Variants in ATAD5 observed in about 807,000 individuals in gnomAD.
The protein encoded by ATAD5 is ATPase family AAA domain containing 5, also known as ATPase family AAA domain-containing protein 5.
A neutral mutation model predicts 176.9 loss-of-function variants in ATAD5; 58 were observed. The ratio of observed to expected loss-of-function variants is 0.33; its 90% CI spans 0.27 to 0.41. The LOEUF (loss-of-function observed/expected upper bound fraction) is 0.41, where lower values mean the gene tolerates loss of function less well. Among genes scored for constraint, ATAD5 ranks in the 10% least tolerant of loss-of-function variants. The probability of loss-of-function intolerance (pLI) is 1.00; values close to 1 mark genes in which losing one functional copy is unlikely to be tolerated. For missense variants in ATAD5, 1,789 were observed against 2,094.1 expected (o/e 0.85, Z 2.84); for synonymous variants, 640 against 712.6 (o/e 0.90, Z 1.62).
chr17:30,884,416 TTTC>T (rs201518698), intron 18 of ATAD5, among the ~76,000 whole-genome samples: 2,397 of 142,920 alleles, frequency 0.017, 78 homozygotes, highest in African/African-American at 0.063. Flanking sequence ...TTATATTTCT[TTTC>T]TTTTCTTTTT....
At chr17:30,868,645 TACAGGCGCC>T (rs1157302661) in intron 12 of ATAD5, among the ~76,000 whole-genome samples, 1 of 151,372 alleles carries the variant, frequency 6.6e-6, no homozygotes, top group Middle Eastern at 3.2e-3. Flanking sequence ...TAGCTGGGAT[TACAGGCGCC>T]TGCCGCCACG....
intron 14 of ATAD5, among the ~76,000 whole-genome samples, chr17:30,875,262 C>T (rs1011032184): frequency 6.6e-6 from 1 of 152,052 alleles, no homozygotes; most frequent in Admixed American, 6.6e-5. Flanking sequence ...TGCCATGGGG[C>T]TTTTGGAGAA....
At chr17:30,833,051 A>G (rs946011989) in intron 1 of ATAD5, among the ~76,000 whole-genome samples, 1 of 152,192 alleles carries the variant, frequency 6.6e-6, no homozygotes, top group Non-Finnish European at 1.5e-5. Context: ...ACACCTTTTC[A>G]TCTCAGACTA....
intron 10 of ATAD5, chr17:30,863,030 A>G (rs1907734866): frequency 6.7e-6 from 1 of 150,058 alleles, no homozygotes; most frequent in South Asian, 2.1e-4. Flanking sequence ...ACCTTTACCA[A>G]AAAAAAAAGA....
At chr17:30,870,506 T>C (rs1432288607) in intron 14 of ATAD5, among the ~76,000 whole-genome samples, 2 of 152,172 alleles carry the variant, frequency 1.3e-5, no homozygotes, top group African/African-American at 4.8e-5. Context: ...GTACTTCCTA[T>C]GACATCATAG....
intron 19 of ATAD5, among the ~76,000 whole-genome samples, chr17:30,890,665 C>T (rs1909589872): frequency 6.6e-6 from 1 of 151,872 alleles, no homozygotes; most frequent in African/African-American, 2.4e-5. Context: ...TTGTGATCCG[C>T]CTGCCTCAGC....
At chr17:30,851,794 G>A (rs945075076) in intron 6 of ATAD5, among the ~76,000 whole-genome samples, 3 of 152,158 alleles carry the variant, frequency 2.0e-5, no homozygotes, top group Admixed American at 6.5e-5. Flanking sequence ...TGTTGGCCAG[G>A]CTGTCTCAAA....
At chr17:30,836,173 A>C in intron 2 of ATAD5, 125 bp downstream of exon 2, 1 of 864,588 alleles carries the variant, frequency 1.2e-6, no homozygotes, top group Non-Finnish European at 1.6e-6. Flanking sequence ...GAAAAAGAAC[A>C]GGATTTCTTT....
At chr17:30,865,877 C>A in intron 11 of ATAD5, 77 bp downstream of exon 11, 3 of 891,154 alleles carry the variant, frequency 3.4e-6, no homozygotes, top group South Asian at 2.0e-5. Flanking sequence ...ATTGTAGTTA[C>A]AAAGTAATAT....
intron 18 of ATAD5, among the ~76,000 whole-genome samples, chr17:30,883,406 C>T (rs73263772): frequency 4.3e-4 from 66 of 151,992 alleles, no homozygotes; most frequent in African/African-American, 1.4e-3. Context: ...GTATTACATG[C>T]GTGAGCCACA....
chr17:30,869,953 T>TA (rs997165716), intron 14 of ATAD5: 2,662 of 196,288 alleles, frequency 0.014, 1 homozygote, highest in South Asian at 0.025. Flanking sequence ...CTACAAATAA[T>TA]AAAAAAAAAA....
intron 18 of ATAD5, among the ~76,000 whole-genome samples, chr17:30,885,333 A>G (rs986849885): frequency 6.6e-6 from 1 of 152,168 alleles, no homozygotes; most frequent in Admixed American, 6.5e-5. Context: ...AGCATGAGCC[A>G]CCACAACTGT....
At chr17:30,885,311 G>A (rs548748605) in intron 18 of ATAD5, among the ~76,000 whole-genome samples, 1 of 152,296 alleles carries the variant, frequency 6.6e-6, no homozygotes, top group Admixed American at 6.5e-5. Context: ...CTCCCAAAGT[G>A]CTGGGATTAC....
chr17:30,839,884 CTCTTTCT>C (rs572300809), intron 3 of ATAD5, among the ~76,000 whole-genome samples: 236 of 151,880 alleles, frequency 1.6e-3, no homozygotes, highest in African/African-American at 5.1e-3. Context: ...TGTGTCCAGA[CTCTTTCT>C]TCTTTATCAT....
intron 7 of ATAD5, 33 bp from the exon 8 acceptor site, chr17:30,856,922 G>A (rs1907321063): frequency 2.6e-6 from 4 of 1,526,272 alleles, no homozygotes; most frequent in African/African-American, 1.4e-5. Context: ...GTATAAATAA[G>A]GTTTATTAAG....
intron 18 of ATAD5, among the ~76,000 whole-genome samples, chr17:30,883,715 A>AT (rs1019330109): frequency 6.6e-6 from 1 of 150,978 alleles, no homozygotes; most frequent in Non-Finnish European, 1.5e-5. Context: ...CCCGGCTAAT[A>AT]TTTTTTGTAT....
chr17:30,894,548 T>C lies in ATAD5; in HGVS notation c.5298-16T>C. On this transcript the variant is annotated splice_polypyrimidine_tract_variant and intron_variant, in intron 21 of 22. Coordinates refer to ENST00000321990, the MANE Select transcript of ATAD5 (RefSeq NM_024857.5). ...CTTGGGCATTAAAAATTAAAAACAA[T>C]GCATTACTTTTACAGCAATGCTTGG... 1 of 1,587,794 alleles carries C rather than the reference T, an allele frequency of 6.3e-7. No individual in the cohort carries two copies. The highest frequency in any genetic ancestry group is 8.5e-7 in the Non-Finnish European group (1 of 1,171,336).
At chr17:30,889,469 CTA>C (rs1909507117) in intron 19 of ATAD5, among the ~76,000 whole-genome samples, 1 of 150,962 alleles carries the variant, frequency 6.6e-6, no homozygotes, top group African/African-American at 2.5e-5. Context: ...ATTAATTTTT[CTA>C]TATGAGTATA....
At chr17:30,893,164 A>C in intron 20 of ATAD5, 130 bp from the exon 21 acceptor site, 4 of 934,284 alleles carry the variant, frequency 4.3e-6, no homozygotes, top group Non-Finnish European at 6.0e-6. Context: ...AATATAGATA[A>C]ATAAAATTAT....
Sources: allele counts gnomAD v4.1 joint callset (sites outside exome capture counted in the v4.1 genomes callset), GRCh38; gene constraint gnomAD v4.1.1; transcripts MANE v1.5; gene names NCBI Gene and HGNC (gene_info 2026-07-23, HGNC 2026-07-21).